The following GABRG3 variants were observed in gnomAD, a reference collection of about 807,000 sequenced individuals.
The protein encoded by GABRG3 is gamma-aminobutyric acid type A receptor subunit gamma3, also known as gamma-aminobutyric acid receptor subunit gamma-3.
A neutral mutation model predicts 48.8 loss-of-function variants in GABRG3; 25 were observed. The observed-to-expected ratio is 0.51, with a 90% confidence interval of 0.37 to 0.72. GABRG3 has a LOEUF of 0.72. Among genes scored for constraint, GABRG3 ranks in the 30% least tolerant of loss-of-function variants. The probability of loss-of-function intolerance (pLI) is 0.00; values close to 1 mark genes in which losing one functional copy is unlikely to be tolerated. For synonymous variants in GABRG3, 227 were observed against 217.6 expected (o/e 1.04, Z -0.38); for missense variants, 394 against 577.9 (o/e 0.68, Z 3.26).
rs186314266 is a variant in GABRG3 at position 27,283,921 on chromosome 15, T to A, written c.271-42888T>A. Among the ~76,000 whole-genome samples, 321 of 152,358 alleles carry A rather than the reference T, an allele frequency of 2.1e-3. 4 individuals carry two copies. The highest frequency in any genetic ancestry group is 7.3e-3 in the African/African-American group (305 of 41,592). The stretch of plus-strand genomic sequence containing the variant: ...TATAAAAATAGATAAGTCTATTTCA[T>A]CTTCTCCAGAATTAAAAGTTCTCAG... On this transcript the variant is annotated intron_variant, in intron 3 of 9. Coordinates refer to ENST00000615808, the MANE Select transcript of GABRG3 (RefSeq NM_033223.5).
intron 3 of GABRG3, among the ~76,000 whole-genome samples, chr15:27,190,951 C>T (rs1888279620): frequency 6.6e-6 from 1 of 152,086 alleles, no homozygotes; most frequent in South Asian, 2.1e-4. Context: ...TTTCAAAGAA[C>T]ATCTTTATTT....
At chr15:27,005,209 T>C (rs552095748) in intron 2 of GABRG3, among the ~76,000 whole-genome samples, 2 of 152,130 alleles carry the variant, frequency 1.3e-5, no homozygotes, top group East Asian at 3.9e-4. Flanking sequence ...TTTATTTATT[T>C]ATTTATTTTT....
chr15:27,012,289 T>A (rs1367441982), intron 2 of GABRG3, among the ~76,000 whole-genome samples: 1 of 152,164 alleles, frequency 6.6e-6, no homozygotes, highest in African/African-American at 2.4e-5. Context: ...TCTTAACTAT[T>A]TTTGTTATTT....
At chr15:27,263,581 A>G (rs1433510466) in intron 3 of GABRG3, among the ~76,000 whole-genome samples, 1 of 152,212 alleles carries the variant, frequency 6.6e-6, no homozygotes, top group Non-Finnish European at 1.5e-5. Flanking sequence ...CTTTCCATCT[A>G]TCTGTGGGAA....
intron 3 of GABRG3, among the ~76,000 whole-genome samples, chr15:27,136,049 ACAG>A (rs1177760480): frequency 6.6e-6 from 1 of 152,228 alleles, no homozygotes; most frequent in Non-Finnish European, 1.5e-5. Flanking sequence ...TGAAGAGCTG[ACAG>A]CACCACGAGG....
At chr15:27,532,092 A>G (rs1566882478) in intron 9 of GABRG3, among the ~76,000 whole-genome samples, 3 of 152,136 alleles carry the variant, frequency 2.0e-5, no homozygotes, top group Admixed American at 2.0e-4. Flanking sequence ...TCCCCACTTC[A>G]ATATACATAC....
intron 5 of GABRG3, among the ~76,000 whole-genome samples, chr15:27,421,862 C>G (rs988794259): frequency 2.6e-5 from 4 of 151,290 alleles, no homozygotes; most frequent in Non-Finnish European, 5.9e-5. Context: ...TCTAAGATAT[C>G]CATGGGAGTG....
intron 3 of GABRG3, among the ~76,000 whole-genome samples, chr15:27,108,552 T>C (rs139975828): frequency 1.2e-3 from 184 of 152,310 alleles, no homozygotes; most frequent in African/African-American, 4.0e-3. Context: ...CTTGTTCTGC[T>C]GTTGTCGGAT....
At chr15:27,166,387 G>A (rs2140407499) in intron 3 of GABRG3, among the ~76,000 whole-genome samples, 1 of 152,276 alleles carries the variant, frequency 6.6e-6, no homozygotes, top group East Asian at 1.9e-4. Flanking sequence ...ATGCCCTAAT[G>A]TGGACAACAT....
chr15:27,264,573 A>C (rs1408922433), intron 3 of GABRG3, among the ~76,000 whole-genome samples: 1 of 151,178 alleles, frequency 6.6e-6, no homozygotes, highest in African/African-American at 2.4e-5. Flanking sequence ...CCTAAAAATC[A>C]CATCCTCGTC....
At chr15:27,034,015 C>A (rs1363481547) in intron 3 of GABRG3, among the ~76,000 whole-genome samples, 1 of 152,170 alleles carries the variant, frequency 6.6e-6, no homozygotes, top group East Asian at 1.9e-4. Context: ...CCCAGATCTC[C>A]TTGAATCAGA....
intron 3 of GABRG3, among the ~76,000 whole-genome samples, chr15:27,098,039 A>G (rs1897294927): frequency 6.6e-6 from 1 of 151,918 alleles, no homozygotes; most frequent in South Asian, 2.1e-4. Flanking sequence ...ACACAGAAAG[A>G]GTTAGGCCTG....
At chr15:27,286,600 A>G (rs1382006026) in intron 3 of GABRG3, among the ~76,000 whole-genome samples, 1 of 152,200 alleles carries the variant, frequency 6.6e-6, no homozygotes, top group African/African-American at 2.4e-5. Flanking sequence ...AAACAAACTT[A>G]CATAGAAATG....
intron 3 of GABRG3, among the ~76,000 whole-genome samples, chr15:27,243,000 C>G (rs989019246): frequency 1.3e-5 from 2 of 152,142 alleles, no homozygotes; most frequent in African/African-American, 2.4e-5. Flanking sequence ...TAGTAAGAGA[C>G]AGTGCAGCTG....
intron 3 of GABRG3, among the ~76,000 whole-genome samples, chr15:27,074,995 G>C (rs1896886851): frequency 6.6e-6 from 1 of 152,138 alleles, no homozygotes; most frequent in South Asian, 2.1e-4. Context: ...AGACTTAACA[G>C]CCTACATTCA....
At chr15:27,104,559 G>A (rs1437027189) in intron 3 of GABRG3, among the ~76,000 whole-genome samples, 4 of 152,216 alleles carry the variant, frequency 2.6e-5, no homozygotes, top group Non-Finnish European at 1.5e-5. Context: ...GTGACGTGCT[G>A]TGCATTTGTT....
At chr15:27,316,680 A>G (rs553719473) in intron 3 of GABRG3, among the ~76,000 whole-genome samples, 2 of 152,284 alleles carry the variant, frequency 1.3e-5, no homozygotes, top group East Asian at 3.9e-4. Flanking sequence ...AATGATGAGG[A>G]ATTTCGTTCG....
At chr15:27,133,950 T>G (rs1414983151) in intron 3 of GABRG3, among the ~76,000 whole-genome samples, 1 of 152,214 alleles carries the variant, frequency 6.6e-6, no homozygotes. Context: ...CTTTTTGAAT[T>G]TTATAATTGC....
chr15:27,041,852 C>T (rs910688559), intron 3 of GABRG3, among the ~76,000 whole-genome samples: 12 of 152,080 alleles, frequency 7.9e-5, no homozygotes, highest in South Asian at 2.1e-4. Flanking sequence ...CCCAGGACTT[C>T]GGGTCCTGCA....
Sources: gnomAD v4.1 joint callset for allele counts (sites outside exome capture counted in the v4.1 genomes callset) on GRCh38, gnomAD v4.1.1 for gene constraint, MANE v1.5 for transcripts, NCBI Gene and HGNC (gene_info 2026-07-23, HGNC 2026-07-21) for gene names.